Variants in AFF2 observed in about 807,000 individuals in gnomAD.
AFF2 encodes ALF transcription elongation factor 2.
In AFF2, 14 loss-of-function variants were observed where a neutral mutation model predicts 76.9. The ratio of observed to expected loss-of-function variants is 0.18; its 90% CI spans 0.12 to 0.28. The LOEUF (loss-of-function observed/expected upper bound fraction) is 0.28. AFF2 is among the 10% of genes least tolerant of loss of function. AFF2 has a pLI of 1.00. For missense variants in AFF2, 868 were observed against 1,001.1 expected (o/e 0.87, Z 1.79); for synonymous variants, 398 against 366.7 (o/e 1.09, Z -0.98).
chrX:148,707,668 T>A (rs892144533), intron 3 of AFF2, among the ~76,000 whole-genome samples: 1 of 110,580 alleles, frequency 9.0e-6, no homozygotes, highest in Non-Finnish European at 1.9e-5. Context: ...TCAAACTGAG[T>A]CTCCAAGGGA....
In AFF2 at chrX:148,635,546, T is replaced by C. The variant is rs190976651; in HGVS notation, c.48-16453T>C. 1.2e-4 allele frequency among the ~76,000 whole-genome samples: 13 copies of C among 111,985 alleles called. No individual in the cohort carries two copies. The East Asian group carries it at 3.4e-3, about 29-fold the overall frequency. On this transcript the variant is annotated intron_variant, in intron 1 of 20. Coordinates refer to ENST00000370460, the MANE Select transcript of AFF2 (RefSeq NM_002025.4). Reference sequence around the variant, plus strand: ...ATTTGTTACTATGAAACTGATGTAATACCTGTCCCTAGTAACTCATTATGT... The same window carrying C: ...ATTTGTTACTATGAAACTGATGTAACACCTGTCCCTAGTAACTCATTATGT...
chrX:148,997,460 G>A lies in AFF2; in HGVS notation c.*6128G>A, dbSNP rs1481692858. ...TGTATCTGGAAAGATGGAAGAACTT[G>A]TTCTAAAATCTTATTTTTCAAAAAA... is the stretch of plus-strand genomic sequence containing the variant. On this transcript the variant is annotated 3_prime_UTR_variant, in exon 21 of 21. Transcript: ENST00000370460. The A allele has an allele frequency of 8.9e-6, 1 of 111,843 alleles. No individual in the cohort carries two copies. Among genetic ancestry groups the A allele is most frequent in the Admixed American group, 9.5e-5 (1 of 10,576 alleles). The allele number at this position is 111,843 out of a possible 1,213,427, so 9.2% of individuals were successfully genotyped here.
chrX:148,637,622 A>G (rs1379735887), intron 1 of AFF2, among the ~76,000 whole-genome samples: 2 of 112,580 alleles, frequency 1.8e-5, no homozygotes, highest in African/African-American at 6.5e-5. Context: ...AACAGATGAA[A>G]TTAATACATT....
intron 1 of AFF2, among the ~76,000 whole-genome samples, chrX:148,630,920 A>G (rs1383901487): frequency 8.9e-6 from 1 of 112,088 alleles, no homozygotes; most frequent in South Asian, 3.7e-4. Flanking sequence ...CTGTTTCTCT[A>G]AGGAAATCAA....
intron 10 of AFF2, among the ~76,000 whole-genome samples, chrX:148,954,625 A>C (rs781942735): frequency 8.9e-6 from 1 of 111,831 alleles, no homozygotes; most frequent in Non-Finnish European, 1.9e-5. Flanking sequence ...AGGTTCTAGG[A>C]GGTTAAAAAG....
intron 3 of AFF2, among the ~76,000 whole-genome samples, chrX:148,762,048 A>G (rs1161728470): frequency 1.8e-5 from 2 of 109,960 alleles, no homozygotes; most frequent in Non-Finnish European, 3.8e-5. Context: ...GATTATTTTT[A>G]CGTTTTTAAA....
intron 1 of AFF2, among the ~76,000 whole-genome samples, chrX:148,521,916 G>A (rs2124220218): frequency 8.9e-6 from 1 of 111,996 alleles, no homozygotes; most frequent in African/African-American, 3.2e-5. Flanking sequence ...CTCCTCAGTT[G>A]CATCAAATTT....
chrX:148,873,202 TCTTTGCCCA>T (rs1427525008), intron 7 of AFF2, among the ~76,000 whole-genome samples: 2 of 110,064 alleles, frequency 1.8e-5, no homozygotes, highest in Non-Finnish European at 3.8e-5. Flanking sequence ...AGGAGAAGAG[TCTTTGCCCA>T]CAGGATCTTG....
At chrX:148,850,346 A>G (rs1182032642) in intron 7 of AFF2, among the ~76,000 whole-genome samples, 3 of 112,241 alleles carry the variant, frequency 2.7e-5, no homozygotes, top group Admixed American at 9.5e-5. Flanking sequence ...AATTTTCAAA[A>G]ATATCCCCAT....
intron 3 of AFF2, among the ~76,000 whole-genome samples, chrX:148,691,567 A>C (rs781986372): frequency 8.6e-4 from 96 of 111,510 alleles, no homozygotes; most frequent in African/African-American, 3.1e-3. Context: ...TGAGGAGCCA[A>C]ATCATGAAGT....
intron 3 of AFF2, among the ~76,000 whole-genome samples, chrX:148,776,039 G>C (rs1439886786): frequency 9.1e-6 from 1 of 110,072 alleles, no homozygotes; most frequent in African/African-American, 3.3e-5. Flanking sequence ...GCCTGAGTGT[G>C]TGATGGCCCC....
At chrX:148,649,891 A>G (rs1255404166) in intron 1 of AFF2, among the ~76,000 whole-genome samples, 1 of 111,858 alleles carries the variant, frequency 8.9e-6, no homozygotes, top group Non-Finnish European at 1.9e-5. Context: ...TGGGCCTGTC[A>G]TTCTTAGCTG....
chrX:148,530,587 T>G (rs2052718000), intron 1 of AFF2, among the ~76,000 whole-genome samples: 1 of 38,439 alleles, frequency 2.6e-5, no homozygotes, highest in African/African-American at 1.9e-4. Context: ...TCTTGTAAAT[T>G]TGCTCCTTTT....
intron 1 of AFF2, among the ~76,000 whole-genome samples, chrX:148,602,286 G>A (rs1160789946): frequency 6.3e-5 from 7 of 111,663 alleles, no homozygotes; most frequent in African/African-American, 3.3e-5. Context: ...GAAGAAGGCG[G>A]GGACAGATAT....
At chrX:148,745,726 T>C (rs1415728390) in intron 3 of AFF2, among the ~76,000 whole-genome samples, 1 of 110,951 alleles carries the variant, frequency 9.0e-6, no homozygotes, top group Non-Finnish European at 1.9e-5. Context: ...ACAATCATAC[T>C]GCATTTTTAT....
intron 1 of AFF2, among the ~76,000 whole-genome samples, chrX:148,529,054 A>C (rs2052697912): frequency 8.9e-6 from 1 of 112,398 alleles, no homozygotes; most frequent in Non-Finnish European, 1.9e-5. Context: ...ATATTGATAC[A>C]AATTTTGTCC....
intron 1 of AFF2, among the ~76,000 whole-genome samples, chrX:148,624,511 A>G (rs1345225443): frequency 8.9e-6 from 1 of 111,998 alleles, no homozygotes; most frequent in Non-Finnish European, 1.9e-5. Context: ...GTTTCAATTG[A>G]TTTATGTATA....
At chrX:148,828,670 C>T (rs1470388627) in intron 4 of AFF2, among the ~76,000 whole-genome samples, 1 of 112,227 alleles carries the variant, frequency 8.9e-6, no homozygotes, top group African/African-American at 3.2e-5. Flanking sequence ...CCCAGTATAT[C>T]ACTATAGTGT....
At chrX:148,693,798 T>C (rs1349998268) in intron 3 of AFF2, among the ~76,000 whole-genome samples, 1 of 112,174 alleles carries the variant, frequency 8.9e-6, no homozygotes, top group Non-Finnish European at 1.9e-5. Flanking sequence ...GAATGCATGT[T>C]CCTGGCCTCA....
Sources: gnomAD v4.1 joint callset for allele counts (sites outside exome capture counted in the v4.1 genomes callset) on GRCh38, gnomAD v4.1.1 for gene constraint, MANE v1.5 for transcripts, NCBI Gene and HGNC (gene_info 2026-07-23, HGNC 2026-07-21) for gene names.